Variants in SMARCAL1 observed in about 807,000 individuals in gnomAD.
SMARCAL1 encodes SNF2 related chromatin remodeling annealing helicase 1.
A neutral mutation model predicts 94.5 loss-of-function variants in SMARCAL1; 58 were observed. That is an observed-to-expected ratio of 0.61 (90% CI 0.50 to 0.76). The LOEUF (loss-of-function observed/expected upper bound fraction) is 0.76. SMARCAL1 is among the 30% of genes least tolerant of loss of function. The pLI is 0.00. For missense variants in SMARCAL1, 1,051 were observed against 1,177.9 expected (o/e 0.89, Z 1.58); for synonymous variants, 422 against 455.1 (o/e 0.93, Z 0.93).
intron 11 of SMARCAL1, among the ~76,000 whole-genome samples, chr2:216,448,380 A>T (rs1694365520): frequency 1.3e-5 from 2 of 152,216 alleles, no homozygotes; most frequent in African/African-American, 4.8e-5. Flanking sequence ...GGCCCATGGC[A>T]TAATAATGTT....
At chr2:216,457,825 TAACTA>T (rs747555922) in intron 12 of SMARCAL1, among the ~76,000 whole-genome samples, 15 of 151,672 alleles carry the variant, frequency 9.9e-5, no homozygotes, top group Non-Finnish European at 1.8e-4. Flanking sequence ...AGGCAAGAAA[TAACTA>T]AGATCAAAGA....
At chr2:216,469,664 T>G (rs746820852) in intron 14 of SMARCAL1, among the ~76,000 whole-genome samples, 1 of 152,210 alleles carries the variant, frequency 6.6e-6, no homozygotes, top group Non-Finnish European at 1.5e-5. Context: ...TGCTATCGTG[T>G]GAATATTATA....
chr2:216,448,324 A>G (rs1260508048), intron 11 of SMARCAL1, among the ~76,000 whole-genome samples: 2 of 152,204 alleles, frequency 1.3e-5, no homozygotes, highest in South Asian at 4.1e-4. Flanking sequence ...TCCTATTCGC[A>G]AACAGTCCAC....
intron 17 of SMARCAL1, among the ~76,000 whole-genome samples, chr2:216,478,665 T>A (rs2106090405): frequency 6.6e-6 from 1 of 151,680 alleles, no homozygotes; most frequent in East Asian, 1.9e-4. Context: ...GAATGGGGAG[T>A]GTTTAAAATA....
chr2:216,448,831 C>CAA (rs576486924), intron 11 of SMARCAL1, among the ~76,000 whole-genome samples: 5 of 117,732 alleles, frequency 4.2e-5, no homozygotes, highest in African/African-American at 1.6e-4. Flanking sequence ...GACTCTGTCT[C>CAA]AAAAAAAAAA....
rs141473566 is a variant in SMARCAL1 at position 216,429,056 on chromosome 2, G to A, written c.1334+274G>A. 4.4e-3 allele frequency among the ~76,000 whole-genome samples: 676 copies of A among 152,346 alleles called. 5 individuals carry two copies. The highest frequency in any genetic ancestry group is 0.015 in the African/African-American group (623 of 41,576). ...TAAGGAAAGAGATTTCTCAGTGCCT[G>A]TAAGAGAAAATCCAGCATCTCTAAA... On this transcript the variant is annotated intron_variant, in intron 7 of 17. Transcript: ENST00000357276.
chr2:216,476,833 G>C (rs1695092324), intron 15 of SMARCAL1, among the ~76,000 whole-genome samples: 1 of 152,216 alleles, frequency 6.6e-6, no homozygotes, highest in Non-Finnish European at 1.5e-5. Flanking sequence ...ACCTAGCTCA[G>C]TGCCCAGCAC....
intron 14 of SMARCAL1, among the ~76,000 whole-genome samples, chr2:216,470,429 ACAGATGTGAGCCACCAGGCC>A (rs529531397): frequency 1.3e-5 from 2 of 152,030 alleles, no homozygotes; most frequent in African/African-American, 4.8e-5. Context: ...TGCTGGGATT[ACAGATGTGAGCCACCAGGCC>A]CAGCTGGTTT....
At chr2:216,470,462 T>C (rs1282876977) in intron 14 of SMARCAL1, among the ~76,000 whole-genome samples, 2 of 151,880 alleles carry the variant, frequency 1.3e-5, no homozygotes, top group Admixed American at 6.6e-5. Context: ...GCTGGTTTAA[T>C]TGAATTCTAA....
rs369163180 is a variant in SMARCAL1, at chr2:216,467,987, T to C, written c.2185T>C (p.Leu729=). The C allele has an allele frequency of 6.2e-7, 1 of 1,613,960 alleles. No individual in the cohort carries two copies. The highest frequency in any genetic ancestry group is 1.3e-5 in the African/African-American group (1 of 75,030). The part of the protein sequence containing the change: ...DLLESGREKF[L]VFAHHKVVLD... Reference sequence around the variant, plus strand: ...ACTGGAAAGTGGAAGAGAGAAGTTTTTAGTATTTGCACACCATAAGGTGGT... The same window carrying C: ...ACTGGAAAGTGGAAGAGAGAAGTTTCTAGTATTTGCACACCATAAGGTGGT... Residue 729 remains leucine, a synonymous_variant, in exon 14 of 18, where the codon TTA becomes CTA. Coordinates refer to ENST00000357276, the MANE Select transcript of SMARCAL1 (RefSeq NM_014140.4).
chr2:216,445,253 A>G (rs566628735), intron 10 of SMARCAL1, among the ~76,000 whole-genome samples: 164 of 152,276 alleles, frequency 1.1e-3, no homozygotes, highest in African/African-American at 3.5e-3. Flanking sequence ...ACATACACAC[A>G]TGTTGGGGCT....
In SMARCAL1 at chr2:216,475,618, C is replaced by G. The variant is rs1695058435; in HGVS notation, c.2427+167C>G. Among the ~76,000 whole-genome samples the G allele has an allele frequency of 6.6e-6, 1 of 152,082 alleles. No homozygotes were observed. Among genetic ancestry groups the G allele is most frequent in the East Asian group, 1.9e-4 (1 of 5,186 alleles). ...AGCACTTCTATGTTGATTGACTAGTCTCTTTTTTTCTTTTTTTGAGACAGA... is the reference window on the plus strand; with the variant it reads ...AGCACTTCTATGTTGATTGACTAGTGTCTTTTTTTCTTTTTTTGAGACAGA... On this transcript the variant is annotated intron_variant, in intron 15 of 17. Coordinates refer to ENST00000357276, the MANE Select transcript of SMARCAL1 (RefSeq NM_014140.4). The surrounding 1 kb of genome is among the most constrained non-coding windows in gnomAD (Gnocchi z 4.4).
At position 216,420,303 on chromosome 2, in the gene SMARCAL1, A is replaced by G; in HGVS notation, c.867A>G (p.Lys289=). ...TCGATTCTTCTTCTTTGGCAGTGAA[A>G]GCAGCCCAGAGCCTCCCCACGGTCA... ...FSMNDYSALM[K]AAQSLPTVNL... Residue 289 remains lysine (K), a synonymous_variant, in exon 5 of 18, where the codon AAA becomes AAG. Coordinates refer to ENST00000357276, the MANE Select transcript of SMARCAL1 (RefSeq NM_014140.4). 2 of 1,613,746 alleles carry G rather than the reference A, an allele frequency of 1.2e-6. No individual in the cohort carries two copies. Among genetic ancestry groups the G allele is most frequent in the Non-Finnish European group, 8.5e-7 (1 of 1,179,756 alleles).
At chr2:216,428,435 T>C (rs770924116) in intron 6 of SMARCAL1, among the ~76,000 whole-genome samples, 161 bp from the exon 7 acceptor site, 9 of 152,194 alleles carry the variant, frequency 5.9e-5, no homozygotes, top group Non-Finnish European at 1.2e-4. Context: ...ATTTTTCCCA[T>C]TTGGGTTAAT....
chr2:216,448,040 A>G (rs1694357581), intron 11 of SMARCAL1, among the ~76,000 whole-genome samples: 1 of 152,180 alleles, frequency 6.6e-6, no homozygotes, highest in African/African-American at 2.4e-5. Flanking sequence ...TTTTTAAAAG[A>G]AGAAAAAAAG....
chr2:216,442,488 C>T (rs1694218239), intron 10 of SMARCAL1, among the ~76,000 whole-genome samples: 2 of 151,984 alleles, frequency 1.3e-5, no homozygotes, highest in Non-Finnish European at 2.9e-5. Context: ...TTCAACCCCT[C>T]TAGGTTCCCT....
intron 10 of SMARCAL1, among the ~76,000 whole-genome samples, chr2:216,440,562 T>G (rs1353485836): frequency 6.6e-6 from 1 of 152,198 alleles, no homozygotes; most frequent in Non-Finnish European, 1.5e-5. Flanking sequence ...ATAAGCCTCA[T>G]GAACATGGCC....
At chr2:216,460,116 C>T (rs2106067026) in intron 12 of SMARCAL1, among the ~76,000 whole-genome samples, 1 of 152,258 alleles carries the variant, frequency 6.6e-6, no homozygotes, top group East Asian at 1.9e-4. Context: ...CAGAGAAATG[C>T]AAATCAAAAC....
At chr2:216,430,759 CAA>C (rs774012791) in intron 7 of SMARCAL1, among the ~76,000 whole-genome samples, 7 of 152,338 alleles carry the variant, frequency 4.6e-5, no homozygotes, top group Middle Eastern at 3.4e-3. Context: ...AAGGCTGAAA[CAA>C]AAGACGCTCA....
Sources: allele counts gnomAD v4.1 joint callset (sites outside exome capture counted in the v4.1 genomes callset), GRCh38; gene constraint gnomAD v4.1.1; non-coding constraint Gnocchi (gnomAD v3.1); transcripts MANE v1.5; gene names NCBI Gene and HGNC (gene_info 2026-07-23, HGNC 2026-07-21).